Variants in LRP1B observed in about 807,000 individuals in gnomAD.
LRP1B encodes the protein low-density lipoprotein receptor-related protein 1B.
Under a neutral mutation model 556.6 loss-of-function variants are expected in LRP1B, and 217 were observed. That is an observed-to-expected ratio of 0.39 (90% confidence interval 0.35 to 0.44). The LOEUF (loss-of-function observed/expected upper bound fraction) is 0.44, where lower values mean the gene tolerates loss of function less well. Ranked by LOEUF, LRP1B falls within the 20% of genes least tolerant of loss-of-function variation. The pLI is 1.00. For missense variants in LRP1B, 5,053 were observed against 5,620.8 expected (o/e 0.90, Z 3.23); for synonymous variants, 2,047 against 1,865.8 (o/e 1.10, Z -2.50).
intron 32 of LRP1B, among the ~76,000 whole-genome samples, chr2:140,788,811 G>C: frequency 6.6e-6 from 1 of 152,156 alleles, no homozygotes; most frequent in African/African-American, 2.4e-5. Context: ...TGTATTTGGA[G>C]ATTGAGTCTT....
At chr2:140,271,040 G>T (rs184377691) in intron 85 of LRP1B, among the ~76,000 whole-genome samples, 4 of 151,874 alleles carry the variant, frequency 2.6e-5, no homozygotes, top group Admixed American at 6.6e-5. Flanking sequence ...AGTTAAAGTC[G>T]CATCACAGGT....
At position 140,430,287 on chromosome 2, in the gene LRP1B, C is replaced by T. The variant is rs538167204; in HGVS notation, c.10414+12217G>A. Among the ~76,000 whole-genome samples the T allele has an allele frequency of 5.9e-5, 9 of 152,278 alleles. No individual in the cohort carries two copies. The South Asian group carries it at 8.3e-4, about 14-fold the overall frequency. On this transcript the variant is annotated intron_variant, in intron 66 of 90. Coordinates refer to ENST00000389484, the MANE Select transcript of LRP1B (RefSeq NM_018557.3). ...AGCCCTCACTCTCGCAAAAGGACTA[C>T]GCGTCAATATTTATACTGATTCTAA...
At chr2:141,575,844 A>G (rs1378873145) in intron 2 of LRP1B, among the ~76,000 whole-genome samples, 3 of 152,218 alleles carry the variant, frequency 2.0e-5, no homozygotes, top group Admixed American at 6.5e-5. Context: ...CATGTGAAAA[A>G]AAGCTCAACA....
intron 2 of LRP1B, among the ~76,000 whole-genome samples, chr2:141,758,579 A>G (rs1164720124): frequency 6.6e-6 from 1 of 151,976 alleles, no homozygotes; most frequent in Non-Finnish European, 1.5e-5. Flanking sequence ...CTTGAACAAA[A>G]CTCAATAATG....
chr2:141,150,795 A>G (rs1482504048), intron 7 of LRP1B, among the ~76,000 whole-genome samples: 2 of 151,628 alleles, frequency 1.3e-5, no homozygotes, highest in Non-Finnish European at 2.9e-5. Flanking sequence ...AGTGAAATAC[A>G]TTTATTTCTG....
chr2:141,817,038 A>G (rs1422874004), intron 1 of LRP1B, among the ~76,000 whole-genome samples: 1 of 152,174 alleles, frequency 6.6e-6, no homozygotes, highest in Non-Finnish European at 1.5e-5. Context: ...TAGGAGTCAA[A>G]TGAAAAAAAA....
In LRP1B at chr2:140,470,609, C is replaced by T. The variant is rs915372286; in HGVS notation, c.9625+4529G>A. Among the ~76,000 whole-genome samples the T allele has an allele frequency of 1.7e-4, 20 of 117,288 alleles. 1 individual carries two copies. In the Admixed American group the frequency reaches 2.2e-3, roughly 13 times the overall value. The allele number at this position is 117,288 out of a possible 152,430, so 76.9% of individuals were successfully genotyped here. ...GCAGTGAGCCAAGATAGCGCCACTGCAGTCTGGCCTGGGTGAAAGAGGGAG... is the reference window on the plus strand; with the variant it reads ...GCAGTGAGCCAAGATAGCGCCACTGTAGTCTGGCCTGGGTGAAAGAGGGAG... On this transcript the variant is annotated intron_variant, in intron 60 of 90. Transcript: ENST00000389484.
chr2:140,581,381 C>G (rs985792034), intron 43 of LRP1B, among the ~76,000 whole-genome samples: 1 of 152,152 alleles, frequency 6.6e-6, no homozygotes, highest in Non-Finnish European at 1.5e-5. Context: ...TCTTCAGATA[C>G]GCTTTTTGTC....
At chr2:140,643,261 G>A (rs546391567) in intron 41 of LRP1B, among the ~76,000 whole-genome samples, 3 of 151,912 alleles carry the variant, frequency 2.0e-5, no homozygotes, top group African/African-American at 7.2e-5. Flanking sequence ...TCCTCTTTGA[G>A]TGGTTTTTTT....
intron 72 of LRP1B, among the ~76,000 whole-genome samples, chr2:140,361,292 G>A (rs1573844937): frequency 1.6e-5 from 2 of 121,624 alleles, no homozygotes; most frequent in Admixed American, 1.0e-4. Flanking sequence ...ATACTACAAG[G>A]CCAACTGATA....
intron 11 of LRP1B, among the ~76,000 whole-genome samples, chr2:141,044,293 G>A (rs1040869179): frequency 4.6e-5 from 7 of 151,632 alleles, no homozygotes; most frequent in East Asian, 3.9e-4. Flanking sequence ...AGACTTAAAC[G>A]TTAGACCTAA....
intron 1 of LRP1B, among the ~76,000 whole-genome samples, chr2:141,985,498 C>T (rs150214345): frequency 2.2e-4 from 32 of 148,574 alleles, no homozygotes; most frequent in Admixed American, 9.4e-4. Context: ...TTCAAACAGA[C>T]GAGAATTTTT....
intron 2 of LRP1B, among the ~76,000 whole-genome samples, chr2:141,726,124 T>C (rs1006009417): frequency 1.5e-4 from 22 of 151,464 alleles, no homozygotes; most frequent in African/African-American, 5.1e-4. Flanking sequence ...TAGAATATTA[T>C]ATAGGCATTA....
chr2:140,813,827 TTAAACA>T (rs760051738), intron 31 of LRP1B, 21 bp from the exon 32 acceptor site: 1 of 1,560,518 alleles, frequency 6.4e-7, no homozygotes, highest in African/African-American at 1.4e-5. Flanking sequence ...ATTTTACAAC[TTAAACA>T]TAATGATAGC....
intron 1 of LRP1B, among the ~76,000 whole-genome samples, chr2:141,908,947 A>G (rs1227687910): frequency 6.6e-6 from 1 of 152,092 alleles, no homozygotes; most frequent in African/African-American, 2.4e-5. Flanking sequence ...AGGTTAAACA[A>G]AATATTCAAA....
At chr2:140,242,581 G>T (rs1369205114) in intron 87 of LRP1B, among the ~76,000 whole-genome samples, 2 of 151,148 alleles carry the variant, frequency 1.3e-5, no homozygotes, top group East Asian at 3.9e-4. Context: ...AAATAAATGG[G>T]TTCATTCACT....
intron 55 of LRP1B, among the ~76,000 whole-genome samples, chr2:140,499,356 T>C (rs1689082686): frequency 6.6e-6 from 1 of 151,898 alleles, no homozygotes; most frequent in Non-Finnish European, 1.5e-5. Flanking sequence ...AAGTTTGTTA[T>C]CATAGACATT....
chr2:141,953,401 C>T (rs760112353), intron 1 of LRP1B, among the ~76,000 whole-genome samples: 2 of 152,018 alleles, frequency 1.3e-5, no homozygotes, highest in African/African-American at 2.4e-5. Flanking sequence ...ATATTTAAAA[C>T]TCAACTAAGG....
At chr2:141,059,131 A>C in intron 8 of LRP1B, 77 bp from the exon 9 acceptor site, 1 of 936,562 alleles carries the variant, frequency 1.1e-6, no homozygotes, top group Admixed American at 2.9e-5. Flanking sequence ...ATTGCTATTT[A>C]CTAGTATGGA....
Sources: gnomAD v4.1 joint callset for allele counts (sites outside exome capture counted in the v4.1 genomes callset) on GRCh38, gnomAD v4.1.1 for gene constraint, MANE v1.5 for transcripts, NCBI Gene and HGNC (gene_info 2026-07-23, HGNC 2026-07-21) for gene names.